DNAH5: variants seen among roughly 807,000 people sequenced by gnomAD.
DNAH5 encodes axonemal beta dynein heavy chain 5.
Under a neutral mutation model 518.2 loss-of-function variants are expected in DNAH5, and 372 were observed. The observed-to-expected ratio is 0.72, with a 90% CI of 0.66 to 0.78. DNAH5 has a LOEUF of 0.78. Among genes scored for constraint, DNAH5 ranks in the 30% least tolerant of loss-of-function variants. The probability of loss-of-function intolerance (pLI) is 0.00; values close to 1 mark genes in which losing one functional copy is unlikely to be tolerated. For synonymous variants in DNAH5, 2,039 were observed against 2,025.9 expected, an observed-to-expected ratio of 1.01 and a Z score of -0.17; for missense variants, 5,523 against 5,687.0, an observed-to-expected ratio of 0.97 and a Z score of 0.93.
At chr5:13,940,090 A>C (rs532537787) in intron 1 of DNAH5, among the ~76,000 whole-genome samples, 1 of 151,854 alleles carries the variant, frequency 6.6e-6, no homozygotes, top group Non-Finnish European at 1.5e-5. Flanking sequence ...CAAATAAAGA[A>C]CTCTCTCTTT....
intron 1 of DNAH5, among the ~76,000 whole-genome samples, chr5:13,942,184 A>G (rs1400309806): frequency 6.6e-6 from 1 of 151,380 alleles, no homozygotes; most frequent in Non-Finnish European, 1.5e-5. Context: ...TACAAGAGAA[A>G]AGATATATGG....
chr5:13,714,598 G>C lies in DNAH5; in HGVS notation c.12932C>G (p.Pro4311Arg). Residue 4311 changes from proline to arginine, a missense_variant, in exon 75 of 79, where the codon CCT becomes CGT. Transcript: ENST00000265104. ...ATTGGGGTGCAGCCCAAACACCTCA[G>C]GGCTGTCATAGGCAGGCAAACTCTG... ...YIQSLPAYDS[P>R]EVFGLHPNAD... The C allele has an allele frequency of 1.9e-6, 3 of 1,614,076 alleles. No homozygotes were observed. Among genetic ancestry groups the C allele is most frequent in the Non-Finnish European group, 2.5e-6 (3 of 1,179,996 alleles).
At chr5:13,886,197 A>G in intron 17 of DNAH5, 68 bp from the exon 18 acceptor site, 2 of 1,464,164 alleles carry the variant, frequency 1.4e-6, no homozygotes, top group South Asian at 2.4e-5. Context: ...TTGAGAGCAC[A>G]GAAACAGTGG....
At chr5:13,839,009 T>C (rs1764799028) in intron 35 of DNAH5, among the ~76,000 whole-genome samples, 2 of 151,344 alleles carry the variant, frequency 1.3e-5, no homozygotes, top group South Asian at 4.2e-4. Context: ...AAAATCTTAA[T>C]TGTCTCCCAG....
At chr5:13,737,211 T>A in intron 66 of DNAH5, 41 bp downstream of exon 66, 1 of 1,613,136 alleles carries the variant, frequency 6.2e-7, no homozygotes, top group Admixed American at 1.7e-5. Flanking sequence ...CCTCTCTCAT[T>A]TCATTTTCCT....
chr5:13,960,222 C>CA (rs1781082434), intron 1 of DNAH5, among the ~76,000 whole-genome samples: 1 of 151,856 alleles, frequency 6.6e-6, no homozygotes, highest in South Asian at 2.1e-4. Context: ...TCTGGTGGAG[C>CA]AAATGCAAGA....
chr5:13,842,941 TAAGATACTGA>T (rs1259406398), intron 32 of DNAH5, among the ~76,000 whole-genome samples: 1 of 152,128 alleles, frequency 6.6e-6, no homozygotes, highest in Non-Finnish European at 1.5e-5. Context: ...ACACAGTAAA[TAAGATACTGA>T]AAGACACTTA....
intron 12 of DNAH5, among the ~76,000 whole-genome samples, chr5:13,907,873 C>T (rs1344709461): frequency 6.6e-6 from 1 of 152,098 alleles, no homozygotes; most frequent in Admixed American, 6.5e-5. Context: ...TAAGTCTTTG[C>T]AAACTTGAAG....
chr5:13,745,088 C>A, intron 65 of DNAH5, among the ~76,000 whole-genome samples: 1 of 152,060 alleles, frequency 6.6e-6, no homozygotes. Flanking sequence ...CAATGATGAT[C>A]CCTGAGGCCT....
chr5:13,963,595 A>G (rs897709599), intron 1 of DNAH5, among the ~76,000 whole-genome samples: 1 of 152,078 alleles, frequency 6.6e-6, no homozygotes, highest in Non-Finnish European at 1.5e-5. Flanking sequence ...ATAAATAAAT[A>G]AATAAATAAA....
chr5:13,866,132 C>T, intron 26 of DNAH5, 88 bp downstream of exon 26: 1 of 1,256,076 alleles, frequency 8.0e-7, no homozygotes, highest in Non-Finnish European at 1.2e-6. Flanking sequence ...CAATAGGGCC[C>T]TCTATCTTAC....
intron 76 of DNAH5, among the ~76,000 whole-genome samples, chr5:13,704,043 A>G (rs1015805250): frequency 2.6e-5 from 4 of 152,176 alleles, no homozygotes; most frequent in Admixed American, 1.3e-4. Context: ...GGCCTCCACA[A>G]TGAGGGTCCC....
At position 13,789,280 on chromosome 5, in the gene DNAH5, T is replaced by C. The variant is rs1448618440; in HGVS notation, c.8449-366A>G. ...AGAGTATAACATAAGATACAGAATA[T>C]GAACAACTCTCATGTATACAACTGA... On this transcript the variant is annotated intron_variant, in intron 50 of 78. Coordinates refer to ENST00000265104, the MANE Select transcript of DNAH5 (RefSeq NM_001369.3). Among the ~76,000 whole-genome samples, 3 of 152,154 alleles carry C rather than the reference T, an allele frequency of 2.0e-5. No homozygotes were observed. The East Asian group carries it at 5.8e-4, about 29-fold the overall frequency.
intron 57 of DNAH5, 90 bp from the exon 58 acceptor site, chr5:13,769,226 G>A: frequency 8.0e-7 from 1 of 1,246,980 alleles, no homozygotes; most frequent in East Asian, 2.4e-5. Flanking sequence ...TGTTGATTTT[G>A]TTCACTTACC....
At chr5:13,943,010 A>T (rs1486290838) in intron 1 of DNAH5, among the ~76,000 whole-genome samples, 1 of 152,242 alleles carries the variant, frequency 6.6e-6, no homozygotes, top group Non-Finnish European at 1.5e-5. Context: ...TGTTAATATT[A>T]TACTTCAGTG....
At chr5:13,841,622 A>T in intron 33 of DNAH5, 70 bp downstream of exon 33, 1 of 1,238,474 alleles carries the variant, frequency 8.1e-7, no homozygotes, top group South Asian at 1.2e-5. Context: ...TTTGAAGCTT[A>T]CAATAGGTAA....
chr5:13,787,288 A>G (rs1209145756), intron 51 of DNAH5, among the ~76,000 whole-genome samples: 3 of 152,208 alleles, frequency 2.0e-5, no homozygotes, highest in South Asian at 2.1e-4. Context: ...GTAATAGGGA[A>G]AAAAGGGACA....
At chr5:13,795,658 C>T (rs566894561) in intron 47 of DNAH5, among the ~76,000 whole-genome samples, 4 of 152,146 alleles carry the variant, frequency 2.6e-5, no homozygotes, top group Non-Finnish European at 1.5e-5. Flanking sequence ...TGAAACTATT[C>T]CAATCAATAG....
At chr5:13,763,015 A>G in intron 59 of DNAH5, 114 bp from the exon 60 acceptor site, 1 of 900,794 alleles carries the variant, frequency 1.1e-6, no homozygotes, top group Middle Eastern at 2.3e-4. Flanking sequence ...AATGAAGGGC[A>G]TCATATTTTG....
Sources: allele counts gnomAD v4.1 joint callset (sites outside exome capture counted in the v4.1 genomes callset), GRCh38; gene constraint gnomAD v4.1.1; transcripts MANE v1.5; gene names NCBI Gene and HGNC (gene_info 2026-07-23, HGNC 2026-07-21).